The following BNC2 variants were observed in gnomAD, a reference collection of about 807,000 sequenced individuals.
BNC2 encodes basonuclin zinc finger protein 2.
Under a neutral mutation model 76.3 loss-of-function variants are expected in BNC2, and 20 were observed. The observed-to-expected ratio is 0.26, with a 90% CI of 0.18 to 0.38. BNC2 has a LOEUF of 0.38. Among genes scored for constraint, BNC2 ranks in the 10% least tolerant of loss-of-function variants. The pLI, the probability that BNC2 is intolerant of heterozygous loss-of-function variation, is 1.00. For synonymous variants in BNC2, 582 were observed against 514.8 expected, an observed-to-expected ratio of 1.13 and a Z score of -1.77; for missense variants, 1,382 against 1,399.8, an observed-to-expected ratio of 0.99 and a Z score of 0.20.
At chr9:16,452,290 C>CA (rs1821357774) in intron 5 of BNC2, among the ~76,000 whole-genome samples, 1 of 152,088 alleles carries the variant, frequency 6.6e-6, no homozygotes, top group Admixed American at 6.5e-5. Flanking sequence ...AGGTAAATCC[C>CA]AGTGTACAAA....
intron 1 of BNC2, among the ~76,000 whole-genome samples, chr9:16,776,664 T>C (rs1825976180): frequency 6.6e-6 from 1 of 152,212 alleles, no homozygotes; most frequent in Admixed American, 6.5e-5. Context: ...AATTCTGTTA[T>C]GTGAAAGAAA....
At chr9:16,508,274 T>A (rs1045684438) in intron 5 of BNC2, among the ~76,000 whole-genome samples, 1 of 152,234 alleles carries the variant, frequency 6.6e-6, no homozygotes, top group Admixed American at 6.5e-5. Context: ...ATCTTGGACT[T>A]GATCATCGCG....
intron 1 of BNC2, among the ~76,000 whole-genome samples, chr9:16,866,343 A>T (rs1350270201): frequency 6.6e-6 from 1 of 152,096 alleles, no homozygotes. Flanking sequence ...GGAATACAGA[A>T]GTTGTATGTA....
chr9:16,794,307 C>T (rs1586889446), intron 1 of BNC2, among the ~76,000 whole-genome samples: 1 of 152,122 alleles, frequency 6.6e-6, no homozygotes, highest in South Asian at 2.1e-4. Context: ...CATGACTGCT[C>T]GTAAACCAAT....
intron 3 of BNC2, among the ~76,000 whole-genome samples, chr9:16,620,101 G>A (rs1820822691): frequency 6.6e-6 from 1 of 152,104 alleles, no homozygotes; most frequent in Non-Finnish European, 1.5e-5. Context: ...ACAGAACACA[G>A]CATTAATGTA....
In BNC2 at chr9:16,769,427, C is replaced by G. The variant is rs532382683; in HGVS notation, c.4-30942G>C. Among the ~76,000 whole-genome samples the G allele has an allele frequency of 2.6e-5, 4 of 152,290 alleles. No homozygotes were observed. In the South Asian group the frequency reaches 8.3e-4, roughly 32 times the overall value. On this transcript the variant is annotated intron_variant, in intron 1 of 6. Transcript: ENST00000380672. Reference sequence around the variant, plus strand: ...CATTTTACTGACAGGGAAAATGCCACTCAGTCAGTGAAAAGACTAACAGTG... The same window carrying G: ...CATTTTACTGACAGGGAAAATGCCAGTCAGTCAGTGAAAAGACTAACAGTG...
At chr9:16,451,728 C>T (rs1023522234) in intron 5 of BNC2, among the ~76,000 whole-genome samples, 1 of 152,172 alleles carries the variant, frequency 6.6e-6, no homozygotes, top group Non-Finnish European at 1.5e-5. Flanking sequence ...TCCACCTTCC[C>T]ACTCCCATTA....
intron 1 of BNC2, among the ~76,000 whole-genome samples, chr9:16,757,614 A>G (rs112657198): frequency 4.0e-5 from 6 of 150,906 alleles, no homozygotes; most frequent in African/African-American, 1.2e-4. Context: ...AACAACATTA[A>G]CAATAGCTAA....
intron 1 of BNC2, among the ~76,000 whole-genome samples, chr9:16,838,744 G>C (rs1418205399): frequency 6.6e-6 from 1 of 152,126 alleles, no homozygotes; most frequent in Non-Finnish European, 1.5e-5. Context: ...GTAGCTCACA[G>C]TTGCTCTTAG....
At chr9:16,772,591 C>G (rs182481951) in intron 1 of BNC2, among the ~76,000 whole-genome samples, 1 of 152,054 alleles carries the variant, frequency 6.6e-6, no homozygotes, top group Non-Finnish European at 1.5e-5. Flanking sequence ...AACCTCACAC[C>G]TCATGGGAAA....
intron 1 of BNC2, among the ~76,000 whole-genome samples, chr9:16,862,619 G>C (rs1042175163): frequency 2.6e-5 from 4 of 152,178 alleles, no homozygotes; most frequent in African/African-American, 9.7e-5. Context: ...AACAAGTGCA[G>C]GATACCTGCA....
intron 4 of BNC2, among the ~76,000 whole-genome samples, chr9:16,581,360 C>T (rs996375560): frequency 1.3e-5 from 2 of 152,146 alleles, no homozygotes; most frequent in African/African-American, 2.4e-5. Context: ...GAGTTCGAGA[C>T]CAGCCTGGCC....
intron 1 of BNC2, among the ~76,000 whole-genome samples, chr9:16,756,472 G>T (rs1180957753): frequency 1.3e-5 from 2 of 151,992 alleles, no homozygotes; most frequent in African/African-American, 2.4e-5. Context: ...CAGCTTCTTG[G>T]AGTCACCTTT....
At chr9:16,795,889 G>A (rs988867181) in intron 1 of BNC2, among the ~76,000 whole-genome samples, 6 of 152,130 alleles carry the variant, frequency 3.9e-5, no homozygotes, top group African/African-American at 1.4e-4. Flanking sequence ...TAAAGGTCAT[G>A]GTTAGGAAGA....
chr9:16,625,613 A>C (rs1257059948), intron 3 of BNC2: 1 of 152,226 alleles, frequency 6.6e-6, no homozygotes, highest in African/African-American at 2.4e-5. Flanking sequence ...CAGCCGGCTT[A>C]TTAAACTTCA....
At chr9:16,422,548 C>G (rs1485813177) in intron 6 of BNC2, among the ~76,000 whole-genome samples, 1 of 152,176 alleles carries the variant, frequency 6.6e-6, no homozygotes, top group Non-Finnish European at 1.5e-5. Context: ...AATTCCTAAT[C>G]TATTTCATTT....
At chr9:16,713,862 C>A (rs1554714911) in intron 3 of BNC2, among the ~76,000 whole-genome samples, 1 of 152,254 alleles carries the variant, frequency 6.6e-6, no homozygotes, top group South Asian at 2.1e-4. Context: ...ATCGCTTGAG[C>A]TCAGGAGTTC....
At chr9:16,467,598 C>G (rs571655588) in intron 5 of BNC2, among the ~76,000 whole-genome samples, 1 of 140,576 alleles carries the variant, frequency 7.1e-6, no homozygotes, top group Admixed American at 7.3e-5. Context: ...AACCAAACAC[C>G]GCATATTCTC....
intron 1 of BNC2, among the ~76,000 whole-genome samples, chr9:16,793,761 G>A (rs1186628480): frequency 7.0e-6 from 1 of 142,596 alleles, no homozygotes; most frequent in East Asian, 2.0e-4. Flanking sequence ...CGCCTCCCGG[G>A]TTCACGCCAT....
Sources: gnomAD v4.1 joint callset for allele counts (sites outside exome capture counted in the v4.1 genomes callset) on GRCh38, gnomAD v4.1.1 for gene constraint, MANE v1.5 for transcripts, NCBI Gene and HGNC (gene_info 2026-07-23, HGNC 2026-07-21) for gene names.